Variants in GIPC1 observed in about 807,000 individuals in gnomAD.
The protein encoded by GIPC1 is PDZ domain-containing protein GIPC1.
Under a neutral mutation model 28.5 loss-of-function variants are expected in GIPC1, and 15 were observed. The observed-to-expected ratio is 0.53, with a 90% CI of 0.35 to 0.81. GIPC1 has a LOEUF of 0.81. Among genes scored for constraint, GIPC1 ranks in the 30% least tolerant of loss-of-function variants. The pLI, the probability that GIPC1 is intolerant of heterozygous loss-of-function variation, is 0.01. For missense variants in GIPC1, 439 were observed against 481.9 expected (o/e 0.91, Z 0.83); for synonymous variants, 224 against 206.1 (o/e 1.09, Z -0.74).
intron 3 of GIPC1, among the ~76,000 whole-genome samples, chr19:14,488,020 C>G (rs1384185828): frequency 1.3e-5 from 2 of 152,070 alleles, no homozygotes; most frequent in African/African-American, 2.4e-5. Flanking sequence ...CAAAGCAAGA[C>G]AAGTTCTATA....
chr19:14,482,289 T>C lies in GIPC1; in HGVS notation c.288+400A>G, dbSNP rs192097508. Reference sequence around the variant, plus strand: ...TCCAGCCCTGGCCTCCCACAGTCCATTGGAGCTCAGGTCTCTCAGTGCCTG... The same window carrying C: ...TCCAGCCCTGGCCTCCCACAGTCCACTGGAGCTCAGGTCTCTCAGTGCCTG... On this transcript the variant is annotated intron_variant, in intron 4 of 8. Transcript: ENST00000393033. The C allele has an allele frequency of 6.6e-5, 18 of 273,298 alleles. 1 individual carries two copies. In the East Asian group the frequency reaches 1.0e-3, roughly 15 times the overall value. The allele number at this position is 273,298 out of a possible 1,614,324, so 16.9% of individuals were successfully genotyped here.
chr19:14,485,702 T>TATATATATATATAGAGAGAGAG (rs1300117748), intron 3 of GIPC1, among the ~76,000 whole-genome samples: 5 of 58,790 alleles, frequency 8.5e-5, no homozygotes, highest in Admixed American at 2.2e-4. Context: ...TATATATATA[T>TATATATATATATAGAGAGAGAG]AGAGAGAGAG....
At chr19:14,482,314 G>A (rs556985166) in intron 4 of GIPC1, 8 of 319,672 alleles carry the variant, frequency 2.5e-5, no homozygotes, top group South Asian at 2.2e-4. Context: ...CTCAGTGCCT[G>A]TTGGGAACTC....
chr19:14,489,633 G>A (rs373508486), intron 3 of GIPC1: 41 of 1,081,702 alleles, frequency 3.8e-5, no homozygotes, highest in Non-Finnish European at 5.6e-5. Flanking sequence ...TGGCTGTTCA[G>A]CAGAGAAACC....
rs2071992023 is a variant in GIPC1, at chr19:14,492,376, A to G, written c.-119+481T>C. 2.0e-5 allele frequency among the ~76,000 whole-genome samples: 3 copies of G among 151,264 alleles called. No individual in the cohort carries two copies. In the South Asian group the frequency reaches 6.3e-4, roughly 32 times the overall value. On this transcript the variant is annotated intron_variant, in intron 2 of 8. Transcript: ENST00000393033. ...GGCTGGAGTGCAGTGGCACGATCTC[A>G]GCTCACTGCAAGCTCTGCTTCCCGG...
chr19:14,483,622 G>A (rs2071778030), intron 3 of GIPC1: 1 of 151,920 alleles, frequency 6.6e-6, no homozygotes, highest in Non-Finnish European at 1.5e-5. Context: ...GGTGGCGCAT[G>A]TCTGTAATCT....
intron 1 of GIPC1, among the ~76,000 whole-genome samples, chr19:14,494,898 G>A (rs1365649556): frequency 6.6e-6 from 1 of 152,144 alleles, no homozygotes; most frequent in East Asian, 1.9e-4. Context: ...CTGAAACTTA[G>A]CAACCCCACG....
rs145544499 is a variant in GIPC1 at position 14,480,419 on chromosome 19, T to C, written c.541A>G (p.Ile181Val). The change falls in exon 6 of 9, where the codon ATT becomes GTT. Residue 181 changes from isoleucine to valine, a missense_variant. Coordinates refer to ENST00000393033, the MANE Select transcript of GIPC1 (RefSeq NM_005716.4). Reference protein sequence around the residue: ...LISVGDMIEAINGQSLLGCRH... With the variant: ...LISVGDMIEAVNGQSLLGCRH... ...CAGCCCAGCAGGCTCTGCCCGTTAA[T>C]GGCCTCGATCATGTCGCCCACGCTG... is the stretch of plus-strand genomic sequence containing the variant. 1 of 1,613,818 alleles carries C rather than the reference T, an allele frequency of 6.2e-7. No individual in the cohort carries two copies. Among genetic ancestry groups the C allele is most frequent in the African/African-American group, 1.3e-5 (1 of 75,058 alleles).
At chr19:14,480,513 T>A in intron 5 of GIPC1, 28 bp from the exon 6 acceptor site, 1 of 1,606,060 alleles carries the variant, frequency 6.2e-7, no homozygotes, top group South Asian at 1.1e-5. Context: ...CATCAGCCCT[T>A]GGGGCTCTGC....
rs944446764 is a variant in GIPC1, at chr19:14,479,507, A to C, written c.673T>G (p.Ser225Ala). ...CCAGAGCCAGGGCGGCCACCCGCTG[A>C]ACGCTGGCTGATCATGTCTGTGGGA... ...RKAFDMISQR[S>A]AGGRPGSGPQ... Residue 225 changes from serine (S) to alanine (A), a missense_variant, in exon 7 of 9, where the codon TCA (serine) becomes GCA (alanine). Physicochemically the swap from Ser to Ala is moderately conservative, Grantham distance 99. Coordinates refer to ENST00000393033, the MANE Select transcript of GIPC1 (RefSeq NM_005716.4). The C allele has an allele frequency of 2.1e-6, 3 of 1,442,646 alleles. No individual in the cohort carries two copies. The African/African-American group carries it at 4.5e-5, about 22-fold the overall frequency. The allele number at this position is 1,442,646 out of a possible 1,614,324, so 89.4% of individuals were successfully genotyped here.
intron 3 of GIPC1, among the ~76,000 whole-genome samples, chr19:14,485,927 T>C (rs1427996195): frequency 6.6e-6 from 1 of 151,768 alleles, no homozygotes; most frequent in Admixed American, 6.6e-5. Flanking sequence ...CCCGCCACCA[T>C]GCCCAGCTAA....
intron 2 of GIPC1, 22 bp from the exon 3 acceptor site, chr19:14,491,765 G>C (rs1046330721): frequency 2.6e-5 from 4 of 152,148 alleles, no homozygotes; most frequent in Non-Finnish European, 4.4e-5. Flanking sequence ...AAGTCATGTC[G>C]CATTTGTCTC....
chr19:14,494,339 G>A (rs1020264701), intron 1 of GIPC1, among the ~76,000 whole-genome samples: 2 of 151,850 alleles, frequency 1.3e-5, no homozygotes, highest in Admixed American at 1.3e-4. Context: ...CAACCCACCC[G>A]CCTCGGCCTC....
chr19:14,479,281 G>A, intron 7 of GIPC1, 131 bp downstream of exon 7: 1 of 474,240 alleles, frequency 2.1e-6, no homozygotes, highest in Non-Finnish European at 3.7e-6. Context: ...GAACCTGGGA[G>A]GCAGAGGTTG....
rs1162792598 is a variant in GIPC1, at chr19:14,478,366, G to T, written c.*50C>A. ...CCTGACGTCAGTGTCCCTGCTGGGG[G>T]CCCCCACCAGGTTGCGCCCGGGTCA... On this transcript the variant is annotated 3_prime_UTR_variant, in exon 9 of 9. Coordinates refer to ENST00000393033, the MANE Select transcript of GIPC1 (RefSeq NM_005716.4). The surrounding 1 kb of genome is among the most constrained non-coding windows in gnomAD (Gnocchi z 5.2). The T allele has an allele frequency of 2.6e-6, 4 of 1,534,964 alleles. No individual in the cohort carries two copies. The highest frequency in any genetic ancestry group is 2.6e-6 in the Non-Finnish European group (3 of 1,135,524).
At chr19:14,482,525 T>C (rs1297796935) in intron 4 of GIPC1, 164 bp downstream of exon 4, 2 of 684,048 alleles carry the variant, frequency 2.9e-6, no homozygotes, top group Non-Finnish European at 5.0e-6. Flanking sequence ...CAGTGCCTCA[T>C]GGGGACTCAG....
chr19:14,486,895 T>G (rs2071857111), intron 3 of GIPC1, among the ~76,000 whole-genome samples: 1 of 151,446 alleles, frequency 6.6e-6, no homozygotes, highest in Non-Finnish European at 1.5e-5. Flanking sequence ...CTCAGCCTCT[T>G]GAAGTGCTGG....
intron 3 of GIPC1, 151 bp from the exon 4 acceptor site, chr19:14,483,157 T>A: frequency 1.7e-6 from 1 of 596,610 alleles, no homozygotes. Context: ...AGGACACTTA[T>A]ATAAAAGTAA....
chr19:14,478,155 T>C lies in GIPC1; in HGVS notation c.*261A>G, dbSNP rs1599343219. 2 of 442,396 alleles carry C rather than the reference T, an allele frequency of 4.5e-6. No homozygotes were observed. The highest frequency in any genetic ancestry group is 8.1e-6 in the Non-Finnish European group (2 of 246,488). The allele number at this position is 442,396 out of a possible 1,614,324, so 27.4% of individuals were successfully genotyped here. On this transcript the variant is annotated 3_prime_UTR_variant, in exon 9 of 9. Transcript: ENST00000393033. This position sits in a 1 kb window ranked among gnomAD's most constrained non-coding sequence, Gnocchi z 5.2. ...GTGGCCGCCCAATTTGGCTGATCCC[T>C]CCCCTCCCTGTGCCTGACCCAGCTG...
Sources: allele counts gnomAD v4.1 joint callset (sites outside exome capture counted in the v4.1 genomes callset), GRCh38; gene constraint gnomAD v4.1.1; non-coding constraint Gnocchi (gnomAD v3.1); transcripts MANE v1.5; gene names NCBI Gene and HGNC (gene_info 2026-07-23, HGNC 2026-07-21).